Variants in ERBB4 observed in about 807,000 individuals in gnomAD.
ERBB4 encodes erb-b2 receptor tyrosine kinase 4.
Under a neutral mutation model 158.0 loss-of-function variants are expected in ERBB4, and 42 were observed. That is an observed-to-expected ratio of 0.27 (90% CI 0.21 to 0.34). The LOEUF is 0.34. ERBB4 is among the 10% of genes least tolerant of loss of function. The probability of loss-of-function intolerance (pLI) is 1.00; values close to 1 mark genes in which losing one functional copy is unlikely to be tolerated. For synonymous variants in ERBB4, 583 were observed against 558.7 expected, an observed-to-expected ratio of 1.04 and a Z score of -0.61; for missense variants, 1,333 against 1,624.1, an observed-to-expected ratio of 0.82 and a Z score of 3.08.
At position 212,001,407 on chromosome 2, in the gene ERBB4, T is replaced by C. The variant is rs141557551; in HGVS notation, c.235-53791A>G. On this transcript the variant is annotated intron_variant, in intron 2 of 27. Coordinates refer to ENST00000342788, the MANE Select transcript of ERBB4 (RefSeq NM_005235.3). ...TCTTCCTTTGAGTCTATTGATTTTA[T>C]AGGGTGTTATACTTGCTCCAGGAGA... is the stretch of plus-strand genomic sequence containing the variant. Among the ~76,000 whole-genome samples, 391 of 152,286 alleles carry C rather than the reference T, an allele frequency of 2.6e-3. 4 individuals are homozygous for C. The highest frequency in any genetic ancestry group is 9.0e-3 in the African/African-American group (374 of 41,580).
At chr2:211,641,964 A>G (rs979794958) in intron 16 of ERBB4, among the ~76,000 whole-genome samples, 3 of 151,882 alleles carry the variant, frequency 2.0e-5, no homozygotes, top group African/African-American at 7.2e-5. Flanking sequence ...CTCTAATAAC[A>G]TTGTCTAAGA....
At chr2:212,461,734 G>T (rs567437681) in intron 1 of ERBB4, among the ~76,000 whole-genome samples, 85 of 152,274 alleles carry the variant, frequency 5.6e-4, no homozygotes, top group African/African-American at 1.9e-3. Flanking sequence ...GTTTGGCTCT[G>T]TGTCCCCACC....
At chr2:212,124,925 C>T (rs377239021) in intron 1 of ERBB4, 22 bp from the exon 2 acceptor site, 5 of 1,613,516 alleles carry the variant, frequency 3.1e-6, no homozygotes, top group South Asian at 1.1e-5. Context: ...AGAAGATACA[C>T]GTGAAATTAC....
chr2:211,972,457 C>T (rs2081482193), intron 2 of ERBB4, among the ~76,000 whole-genome samples: 4 of 152,046 alleles, frequency 2.6e-5, no homozygotes, highest in Non-Finnish European at 2.9e-5. Context: ...CAATCCTAAG[C>T]AAAAAGAACA....
chr2:211,834,769 A>T (rs964783672), intron 3 of ERBB4, among the ~76,000 whole-genome samples: 1 of 152,126 alleles, frequency 6.6e-6, no homozygotes, highest in Admixed American at 6.6e-5. Context: ...ATTTAGGATC[A>T]CTTGTTCAGC....
chr2:211,401,826 T>A (rs1002290235), intron 25 of ERBB4, among the ~76,000 whole-genome samples: 5 of 152,000 alleles, frequency 3.3e-5, no homozygotes, highest in African/African-American at 1.2e-4. Context: ...CTTTTTCACA[T>A]ATCCTTTACC....
intron 2 of ERBB4, among the ~76,000 whole-genome samples, chr2:212,115,437 A>T (rs552895523): frequency 1.3e-5 from 2 of 152,300 alleles, no homozygotes; most frequent in East Asian, 3.9e-4. Flanking sequence ...AAAAAAAGGT[A>T]TTGATTATAT....
At chr2:212,172,933 G>A (rs2081562998) in intron 1 of ERBB4, among the ~76,000 whole-genome samples, 1 of 151,988 alleles carries the variant, frequency 6.6e-6, no homozygotes, top group Non-Finnish European at 1.5e-5. Flanking sequence ...ATGTATCCCT[G>A]AACTTAGTTG....
chr2:211,439,492 A>C (rs2063928005), intron 20 of ERBB4, among the ~76,000 whole-genome samples: 1 of 152,196 alleles, frequency 6.6e-6, no homozygotes, highest in African/African-American at 2.4e-5. Context: ...TGTGAGTTTC[A>C]TATATGGCTT....
chr2:212,184,280 T>C (rs1017461193), intron 1 of ERBB4, among the ~76,000 whole-genome samples: 1 of 152,024 alleles, frequency 6.6e-6, no homozygotes, highest in Non-Finnish European at 1.5e-5. Context: ...CTTAACCTAA[T>C]CATGTTCTAA....
intron 3 of ERBB4, among the ~76,000 whole-genome samples, chr2:211,814,996 G>A (rs1324346747): frequency 6.6e-6 from 1 of 152,162 alleles, no homozygotes; most frequent in Non-Finnish European, 1.5e-5. Flanking sequence ...AGGCTCAGTT[G>A]ATAGGTGTTT....
At position 212,318,547 on chromosome 2, in the gene ERBB4, G is replaced by GA. The variant is rs913552106; in HGVS notation, c.83-193645dup. ...GAGAGAAAAAGACAAAAAAAAATCA[G>GA]AAAAAAAAGAAGTGTAATAATATAT... is the stretch of plus-strand genomic sequence containing the variant. On this transcript the variant is annotated intron_variant, in intron 1 of 27. Transcript: ENST00000342788. 1.3e-4 allele frequency among the ~76,000 whole-genome samples: 19 copies of GA among 150,878 alleles called. No homozygotes were observed. The East Asian group carries it at 3.0e-3, about 24-fold the overall frequency.
Position 211,564,824 on chromosome 2 carries a change from G to C in ERBB4, c.2302-2736C>G, listed in dbSNP as rs560468267. Among the ~76,000 whole-genome samples, 4 of 152,288 alleles carry C rather than the reference G, an allele frequency of 2.6e-5. No homozygotes were observed. The South Asian group carries it at 8.3e-4, about 32-fold the overall frequency. ...TAGCAGCCAGCCCAAACTGGAACAG[G>C]ACAAATAGCTCTGGGAAAGGTGACC... On this transcript the variant is annotated intron_variant, in intron 19 of 27. Coordinates refer to ENST00000342788, the MANE Select transcript of ERBB4 (RefSeq NM_005235.3).
At chr2:211,413,862 T>C (rs1339287961) in intron 25 of ERBB4, among the ~76,000 whole-genome samples, 1 of 150,698 alleles carries the variant, frequency 6.6e-6, no homozygotes, top group Non-Finnish European at 1.5e-5. Context: ...AGAGAGGGGG[T>C]CCTGCAAGCA....
chr2:211,582,605 T>C (rs1359039453), intron 19 of ERBB4, among the ~76,000 whole-genome samples: 1 of 152,314 alleles, frequency 6.6e-6, no homozygotes, highest in East Asian at 1.9e-4. Context: ...CCAGAACTTA[T>C]TTATGATATC....
At chr2:211,658,725 C>T (rs1338281244) in intron 15 of ERBB4, among the ~76,000 whole-genome samples, 1 of 152,036 alleles carries the variant, frequency 6.6e-6, no homozygotes, top group East Asian at 1.9e-4. Flanking sequence ...TAAATATATA[C>T]TATGTAAGGA....
intron 7 of ERBB4, among the ~76,000 whole-genome samples, chr2:211,716,322 A>AT (rs200413090): frequency 0.044 from 5,715 of 128,960 alleles, 154 homozygotes; most frequent in South Asian, 0.063. Context: ...AGATTGTGCC[A>AT]TTGCACTCCA....
intron 2 of ERBB4, among the ~76,000 whole-genome samples, chr2:212,093,156 C>A (rs1191134768): frequency 6.6e-6 from 1 of 152,110 alleles, no homozygotes; most frequent in Non-Finnish European, 1.5e-5. Flanking sequence ...TCAGAATAGA[C>A]CCTATCAGAG....
chr2:212,061,453 CAAAAAAAAAAAAAAAAAA>C (rs754237880), intron 2 of ERBB4, among the ~76,000 whole-genome samples: 2 of 22,808 alleles, frequency 8.8e-5, no homozygotes, highest in African/African-American at 3.0e-4. Flanking sequence ...ACTCTGTCTC[CAAAAAAAAAAAAAAAAAA>C]AAAAAAAAAA....
Sources: gnomAD v4.1 joint callset for allele counts (sites outside exome capture counted in the v4.1 genomes callset) on GRCh38, gnomAD v4.1.1 for gene constraint, MANE v1.5 for transcripts, NCBI Gene and HGNC (gene_info 2026-07-23, HGNC 2026-07-21) for gene names.